Variants in OPALIN observed in about 807,000 individuals in gnomAD.
OPALIN encodes transmembrane protein 10.
A neutral mutation model predicts 17.8 loss-of-function variants in OPALIN; 15 were observed. That is an observed-to-expected ratio of 0.84 (90% confidence interval 0.56 to 1.29). The LOEUF is 1.29. OPALIN is among the 50% of genes most tolerant of loss of function. OPALIN has a pLI of 0.00. For missense variants in OPALIN, 170 were observed against 176.0 expected, an observed-to-expected ratio of 0.97 and a Z score of 0.19; for synonymous variants, 62 against 63.8, an observed-to-expected ratio of 0.97 and a Z score of 0.14.
In OPALIN at chr10:96,345,004, T is replaced by C. The variant is rs879597727; in HGVS notation, c.*937A>G. On this transcript the variant is annotated 3_prime_UTR_variant, in exon 6 of 6. Coordinates refer to ENST00000371172, the MANE Select transcript of OPALIN (RefSeq NM_033207.5). The stretch of plus-strand genomic sequence containing the variant: ...ATATGAGGACACGATCACACCTAGA[T>C]TGGAAGATTCACATACTACCAGCAA... 6 of 152,186 alleles carry C rather than the reference T, an allele frequency of 3.9e-5. No homozygotes were observed. Among genetic ancestry groups the C allele is most frequent in the Non-Finnish European group, 7.3e-5 (5 of 68,040 alleles). The allele number at this position is 152,186 out of a possible 1,614,324, so 9.4% of individuals were successfully genotyped here.
chr10:96,354,569 A>G (rs1342578584), intron 2 of OPALIN, among the ~76,000 whole-genome samples: 1 of 152,228 alleles, frequency 6.6e-6, no homozygotes, highest in Non-Finnish European at 1.5e-5. Context: ...ACATTTAGAT[A>G]TAAAATTATA....
rs1845272975 is a variant in OPALIN, at chr10:96,345,437, A to C, written c.*504T>G. On this transcript the variant is annotated 3_prime_UTR_variant, in exon 6 of 6. Transcript: ENST00000371172. The stretch of plus-strand genomic sequence containing the variant: ...TTGAGCCAGGTGCTTCCCTGTGGTC[A>C]GGGAATGTGTGGCTCCACATGGTTC... 6.5e-6 allele frequency: 1 copy of C among 152,950 alleles called. No individual in the cohort carries two copies. Among genetic ancestry groups the C allele is most frequent in the African/African-American group, 2.4e-5 (1 of 41,454 alleles). The allele number at this position is 152,950 out of a possible 1,614,324, so 9.5% of individuals were successfully genotyped here. A position where few individuals can be genotyped will look rare whatever the true frequency, so the allele number is the denominator to read the frequency against.
intron 1 of OPALIN, among the ~76,000 whole-genome samples, chr10:96,358,598 G>A (rs1337058580): frequency 2.0e-5 from 3 of 152,140 alleles, no homozygotes; most frequent in Non-Finnish European, 4.4e-5. Context: ...GATTAAACAA[G>A]TAAGACAGAT....
chr10:96,356,355 G>A (rs1258961572), intron 1 of OPALIN, among the ~76,000 whole-genome samples: 2 of 152,164 alleles, frequency 1.3e-5, no homozygotes, highest in Non-Finnish European at 2.9e-5. Context: ...CCAACAATAG[G>A]AAAGTTGTGA....
chr10:96,345,655 C>A lies in OPALIN; in HGVS notation c.*286G>T. The A allele has an allele frequency of 3.1e-6, 1 of 324,812 alleles. No homozygotes were observed. Among genetic ancestry groups the A allele is most frequent in the Non-Finnish European group, 5.6e-6 (1 of 179,980 alleles). The allele number at this position is 324,812 out of a possible 1,614,324, so 20.1% of individuals were successfully genotyped here. A position where few individuals can be genotyped will look rare whatever the true frequency, so the allele number is the denominator to read the frequency against. On this transcript the variant is annotated 3_prime_UTR_variant, in exon 6 of 6. Coordinates refer to ENST00000371172, the MANE Select transcript of OPALIN (RefSeq NM_033207.5). ...AGACACTCAGAAACCAAGCCCCTTT[C>A]CCAAAATGACAAAGAAAAGCAAATT... is the stretch of plus-strand genomic sequence containing the variant.
rs78037506 is a variant in OPALIN, at chr10:96,344,467, A to G, written c.*1474T>C. 1 of 150,076 alleles carries G rather than the reference A, an allele frequency of 6.7e-6. No homozygotes were observed. The highest frequency in any genetic ancestry group is 1.5e-5 in the Non-Finnish European group (1 of 67,632). The allele number at this position is 150,076 out of a possible 1,614,324, so 9.3% of individuals were successfully genotyped here. A position where few individuals can be genotyped will look rare whatever the true frequency, so the allele number is the denominator to read the frequency against. On this transcript the variant is annotated 3_prime_UTR_variant, in exon 6 of 6. Coordinates refer to ENST00000371172, the MANE Select transcript of OPALIN (RefSeq NM_033207.5). ...GAAGAGTACAGAAGAAAAAAAAAAA[A>G]GGCTGGGGATGGATTGGAAAATGGG...
In OPALIN at chr10:96,344,024, T is replaced by C. The variant is rs1052072990; in HGVS notation, c.*1917A>G. On this transcript the variant is annotated 3_prime_UTR_variant, in exon 6 of 6. Coordinates refer to ENST00000371172, the MANE Select transcript of OPALIN (RefSeq NM_033207.5). ...TCATGGGAGTGAAAGTGAAAGCCTG[T>C]CCCAAGCTGGCTGAATGGCAGGCAC... is the stretch of plus-strand genomic sequence containing the variant. The C allele has an allele frequency of 7.2e-5, 11 of 152,254 alleles. No individual in the cohort carries two copies. The highest frequency in any genetic ancestry group is 1.5e-4 in the Non-Finnish European group (10 of 68,098). 9.4% of individuals were successfully genotyped at this position (152,254 alleles called of 1,614,324 possible).
Position 96,351,343 on chromosome 10 carries a change from T to C in OPALIN, c.72+35A>G, listed in dbSNP as rs1052821739. ...CTCAAGATGGATGGAGCATTATTAT[T>C]ATCCCCATTTTATAAATTTAAGTGA... On this transcript the variant is annotated intron_variant, in intron 3 of 5. Transcript: ENST00000371172. 7.1e-6 allele frequency: 9 copies of C among 1,262,710 alleles called. No individual in the cohort carries two copies. The African/African-American group carries it at 1.4e-4, about 19-fold the overall frequency. 78.2% of individuals were successfully genotyped at this position (1,262,710 alleles called of 1,614,324 possible). A position where few individuals can be genotyped will look rare whatever the true frequency, so the allele number is the denominator to read the frequency against.
At chr10:96,355,915 C>G (rs1268437083) in intron 1 of OPALIN, among the ~76,000 whole-genome samples, 1 of 152,166 alleles carries the variant, frequency 6.6e-6, no homozygotes, top group African/African-American at 2.4e-5. Context: ...ATATGGAGTC[C>G]AAATTTAAAG....
intron 5 of OPALIN, among the ~76,000 whole-genome samples, chr10:96,347,334 T>A (rs1845376456): frequency 6.6e-6 from 1 of 152,112 alleles, no homozygotes; most frequent in Non-Finnish European, 1.5e-5. Flanking sequence ...CCTCAGGTGA[T>A]CCACCTGCCT....
chr10:96,349,659 A>G, intron 4 of OPALIN, 48 bp downstream of exon 4: 2 of 1,584,652 alleles, frequency 1.3e-6, no homozygotes, highest in South Asian at 2.3e-5. Flanking sequence ...GTTCACTGAA[A>G]TACTGGTGGC....
chr10:96,354,489 C>T (rs375708334), intron 2 of OPALIN, among the ~76,000 whole-genome samples: 2 of 151,916 alleles, frequency 1.3e-5, no homozygotes, highest in South Asian at 2.1e-4. Flanking sequence ...AAATATTATG[C>T]GATCATAATA....
intron 4 of OPALIN, 26 bp from the exon 5 acceptor site, chr10:96,348,371 A>T: frequency 8.8e-7 from 1 of 1,133,328 alleles, no homozygotes; most frequent in Non-Finnish European, 1.3e-6. Context: ...TATAATAATA[A>T]AAGAAAGAAA....
intron 4 of OPALIN, among the ~76,000 whole-genome samples, chr10:96,348,595 G>A (rs1845441056): frequency 6.6e-6 from 1 of 152,044 alleles, no homozygotes; most frequent in Non-Finnish European, 1.5e-5. Flanking sequence ...AACAATATTG[G>A]CCATGGGTTA....
At chr10:96,352,227 T>C (rs943159330) in intron 2 of OPALIN, among the ~76,000 whole-genome samples, 5 of 152,148 alleles carry the variant, frequency 3.3e-5, no homozygotes, top group African/African-American at 1.2e-4. Flanking sequence ...GTCAGCCCTT[T>C]ACACTTTGCA....
chr10:96,348,838 G>A (rs1845452180), intron 4 of OPALIN, among the ~76,000 whole-genome samples: 1 of 152,158 alleles, frequency 6.6e-6, no homozygotes, highest in Non-Finnish European at 1.5e-5. Context: ...ACTTCTTGAT[G>A]TGTTTAAAAT....
At chr10:96,355,425 GCA>G in intron 1 of OPALIN, 135 bp from the exon 2 acceptor site, 1 of 703,588 alleles carries the variant, frequency 1.4e-6, no homozygotes, top group Non-Finnish European at 2.4e-6. Flanking sequence ...CCATCGTCCT[GCA>G]CAGTCTTGGC....
intron 1 of OPALIN, chr10:96,356,795 G>T: frequency 1.3e-6 from 1 of 742,798 alleles, no homozygotes; most frequent in Non-Finnish European, 1.6e-6. Flanking sequence ...TGGTGCCTCT[G>T]CTCACTTCTC....
chr10:96,351,272 G>A lies in OPALIN; in HGVS notation c.72+106C>T, dbSNP rs1031886607. 7 of 724,926 alleles carry A rather than the reference G, an allele frequency of 9.7e-6. No homozygotes were observed. In the African/African-American group the frequency reaches 1.3e-4, roughly 14 times the overall value. The allele number at this position is 724,926 out of a possible 1,614,324, so 44.9% of individuals were successfully genotyped here. On this transcript the variant is annotated intron_variant, in intron 3 of 5. Transcript: ENST00000371172. ...GAATAATTCTTGAGCCAGATTCTGTGCTTAGTGACAGTTCACCTATCAAAC... is the reference window on the plus strand; with the variant it reads ...GAATAATTCTTGAGCCAGATTCTGTACTTAGTGACAGTTCACCTATCAAAC...
Sources: gnomAD v4.1 joint callset for allele counts (sites outside exome capture counted in the v4.1 genomes callset) on GRCh38, gnomAD v4.1.1 for gene constraint, MANE v1.5 for transcripts, NCBI Gene and HGNC (gene_info 2026-07-23, HGNC 2026-07-21) for gene names.